VGLL3: variants seen among roughly 807,000 people sequenced by gnomAD.
The protein encoded by VGLL3 is vestigial like family member 3.
A neutral mutation model predicts 29.2 loss-of-function variants in VGLL3; 18 were observed. The ratio of observed to expected loss-of-function variants is 0.62; its 90% CI spans 0.43 to 0.91. VGLL3 has a LOEUF of 0.91. VGLL3 is among the 40% of genes least tolerant of loss of function. The pLI, the probability that VGLL3 is intolerant of heterozygous loss-of-function variation, is 0.00. For synonymous variants in VGLL3, 180 were observed against 151.8 expected (o/e 1.19, Z -1.36); for missense variants, 440 against 413.2 (o/e 1.06, Z -0.56).
At chr3:86,957,396 G>A (rs1035398878) in intron 3 of VGLL3, among the ~76,000 whole-genome samples, 1 of 152,194 alleles carries the variant, frequency 6.6e-6, no homozygotes, top group Non-Finnish European at 1.5e-5. Flanking sequence ...TCTTCAGGAT[G>A]CCTCAAACCT....
chr3:86,988,044 AAGG>A (rs1030432654), intron 1 of VGLL3, among the ~76,000 whole-genome samples: 43 of 152,302 alleles, frequency 2.8e-4, no homozygotes, highest in African/African-American at 1.0e-3. Context: ...AATCCATCAT[AAGG>A]AATCATTTTG....
Position 86,964,314 on chromosome 3 carries a change from T to C in VGLL3, c.937+4276A>G, listed in dbSNP as rs187394068. Among the ~76,000 whole-genome samples, 416 of 152,338 alleles carry C rather than the reference T, an allele frequency of 2.7e-3. 2 individuals carry two copies. Among genetic ancestry groups the C allele is most frequent in the African/African-American group, 9.5e-3 (397 of 41,576 alleles). On this transcript the variant is annotated intron_variant, in intron 3 of 3. Coordinates refer to ENST00000398399, the MANE Select transcript of VGLL3 (RefSeq NM_016206.4). ...AAAGCATAAAATATTTTTATCTGTT[T>C]CTTTACAGAAAAATTTTGCTAACCC...
intron 3 of VGLL3, among the ~76,000 whole-genome samples, chr3:86,966,786 T>TGTATATATATAC: frequency 1.2e-5 from 1 of 85,552 alleles, no homozygotes; most frequent in Non-Finnish European, 2.4e-5. Flanking sequence ...TATATATATA[T>TGTATATATATAC]ATATATATAT....
intron 3 of VGLL3, among the ~76,000 whole-genome samples, chr3:86,947,274 A>G (rs1156731914): frequency 6.6e-6 from 1 of 152,232 alleles, no homozygotes; most frequent in Non-Finnish European, 1.5e-5. Context: ...GTATGTGACA[A>G]AAACACAAGA....
In VGLL3 at chr3:86,941,295, C is replaced by G. The variant is rs1400784665; in HGVS notation, c.*5729G>C. The G allele has an allele frequency of 6.6e-6, 1 of 152,240 alleles. No individual in the cohort carries two copies. The highest frequency in any genetic ancestry group is 1.5e-5 in the Non-Finnish European group (1 of 67,886). 9.4% of individuals were successfully genotyped at this position (152,240 alleles called of 1,614,324 possible). A position where few individuals can be genotyped will look rare whatever the true frequency, so the allele number is the denominator to read the frequency against. On this transcript the variant is annotated 3_prime_UTR_variant, in exon 4 of 4. Transcript: ENST00000398399. The stretch of plus-strand genomic sequence containing the variant: ...TAAATAATCATTATTAACTTTTGCT[C>G]TAGCCACGGCATAGAAAGAAATGTA...
chr3:86,989,624 A>G (rs546664187), intron 1 of VGLL3, among the ~76,000 whole-genome samples: 49 of 152,308 alleles, frequency 3.2e-4, no homozygotes, highest in Non-Finnish European at 6.8e-4. Context: ...ATAAATCAAT[A>G]TATTCTATGG....
chr3:86,977,331 T>A (rs914642636), intron 2 of VGLL3, among the ~76,000 whole-genome samples: 2 of 151,966 alleles, frequency 1.3e-5, no homozygotes, highest in Non-Finnish European at 2.9e-5. Flanking sequence ...GCCCAGCAAT[T>A]CCATGTGGCC....
chr3:86,939,215 T>C lies in VGLL3; in HGVS notation c.*7809A>G, dbSNP rs999856418. On this transcript the variant is annotated 3_prime_UTR_variant, in exon 4 of 4. Transcript: ENST00000398399. ...TAGTCCTTCTCGATTACAAGAGTGA[T>C]AGAAAATGATGGAAGTCCAATACTA... 1.3e-5 allele frequency: 2 copies of C among 152,198 alleles called. No homozygotes were observed. The highest frequency in any genetic ancestry group is 1.9e-4 in the East Asian group (1 of 5,192). The allele number at this position is 152,198 out of a possible 1,614,324, so 9.4% of individuals were successfully genotyped here.
At chr3:86,990,465 T>G in intron 1 of VGLL3, 153 bp downstream of exon 1, 3 of 976,028 alleles carry the variant, frequency 3.1e-6, no homozygotes, top group Non-Finnish European at 3.7e-6. Context: ...CCTTCCCGGC[T>G]CTCTCGGGAT....
rs1211925395 is a variant in VGLL3, at chr3:86,943,564, C to A, written c.*3460G>T. ...AATAAATCCCTCAATTATTTGCAAT[C>A]CACTCCTCATTTTGCAAATTTTAGA... is the stretch of plus-strand genomic sequence containing the variant. On this transcript the variant is annotated 3_prime_UTR_variant, in exon 4 of 4. Coordinates refer to ENST00000398399, the MANE Select transcript of VGLL3 (RefSeq NM_016206.4). 6.6e-6 allele frequency: 1 copy of A among 151,814 alleles called. No individual in the cohort carries two copies. The highest frequency in any genetic ancestry group is 1.9e-4 in the East Asian group (1 of 5,176). 9.4% of individuals were successfully genotyped at this position (151,814 alleles called of 1,614,324 possible). A position where few individuals can be genotyped will look rare whatever the true frequency, so the allele number is the denominator to read the frequency against.
chr3:86,988,182 T>A (rs545281729), intron 1 of VGLL3, among the ~76,000 whole-genome samples: 3 of 152,304 alleles, frequency 2.0e-5, no homozygotes, highest in East Asian at 1.9e-4. Flanking sequence ...TAGCATTTTT[T>A]AAATGGCTAT....
chr3:86,986,571 T>C (rs1055933652), intron 1 of VGLL3, among the ~76,000 whole-genome samples: 1 of 152,152 alleles, frequency 6.6e-6, no homozygotes, highest in Admixed American at 6.5e-5. Context: ...AGAAGTCCTG[T>C]ATAAATTTTT....
At chr3:86,988,710 G>GCC (rs1337729058) in intron 1 of VGLL3, among the ~76,000 whole-genome samples, 9,504 of 44,196 alleles carry the variant, frequency 0.22, 1,583 homozygotes, top group African/African-American at 0.42. Context: ...AGAAGAAAAA[G>GCC]AAGAAAAAGC....
At chr3:86,974,347 G>A (rs896928198) in intron 2 of VGLL3, among the ~76,000 whole-genome samples, 5 of 152,018 alleles carry the variant, frequency 3.3e-5, no homozygotes, top group African/African-American at 1.2e-4. Context: ...TCGAACTCCT[G>A]ACCTCAGGTG....
Position 86,988,203 on chromosome 3 carries a change from T to G in VGLL3, c.126+2415A>C, listed in dbSNP as rs915807403. 1.8e-4 allele frequency among the ~76,000 whole-genome samples: 27 copies of G among 152,290 alleles called. No homozygotes were observed. The South Asian group carries it at 2.7e-3, about 15-fold the overall frequency. Reference sequence around the variant, plus strand: ...TTTTTAAATGGCTATTAAAATTTCTTGATTGCTGTTACTTTTCTTCGCTCC... The same window carrying G: ...TTTTTAAATGGCTATTAAAATTTCTGGATTGCTGTTACTTTTCTTCGCTCC... On this transcript the variant is annotated intron_variant, in intron 1 of 3. Coordinates refer to ENST00000398399, the MANE Select transcript of VGLL3 (RefSeq NM_016206.4).
chr3:86,938,575 T>C lies in VGLL3; in HGVS notation c.*8449A>G, dbSNP rs1410109747. On this transcript the variant is annotated 3_prime_UTR_variant, in exon 4 of 4. Transcript: ENST00000398399. ...TGCAAAGCAAAGATCAATGCTGATG[T>C]TCTTCATTCAGTCACAGCCAAACTT... is the stretch of plus-strand genomic sequence containing the variant. 6.6e-6 allele frequency: 1 copy of C among 152,666 alleles called. No homozygotes were observed. The highest frequency in any genetic ancestry group is 1.9e-4 in the East Asian group (1 of 5,184). 9.5% of individuals were successfully genotyped at this position (152,666 alleles called of 1,614,324 possible).
rs1486706170 is a variant in VGLL3 at position 86,942,246 on chromosome 3, T to C, written c.*4778A>G. The C allele has an allele frequency of 6.6e-6, 1 of 152,152 alleles. No individual in the cohort carries two copies. Among genetic ancestry groups the C allele is most frequent in the Non-Finnish European group, 1.5e-5 (1 of 68,028 alleles). 9.4% of individuals were successfully genotyped at this position (152,152 alleles called of 1,614,324 possible). A position where few individuals can be genotyped will look rare whatever the true frequency, so the allele number is the denominator to read the frequency against. ...TGATTTCATTTCTGATCCCATACAG[T>C]TTCTGCTGTCTTTCCCTTGGCTGCA... On this transcript the variant is annotated 3_prime_UTR_variant, in exon 4 of 4. Transcript: ENST00000398399.
chr3:86,947,946 A>G (rs1463260211), intron 3 of VGLL3, among the ~76,000 whole-genome samples: 2 of 151,636 alleles, frequency 1.3e-5, no homozygotes, highest in Non-Finnish European at 2.9e-5. Flanking sequence ...AGTTACTTTT[A>G]TTTTGTTTTT....
intron 1 of VGLL3, among the ~76,000 whole-genome samples, chr3:86,982,584 A>C (rs1182900689): frequency 6.6e-6 from 1 of 152,198 alleles, no homozygotes; most frequent in Non-Finnish European, 1.5e-5. Context: ...AAAATTCAAA[A>C]CATCGAGACT....
Sources: gnomAD v4.1 joint callset for allele counts (sites outside exome capture counted in the v4.1 genomes callset) on GRCh38, gnomAD v4.1.1 for gene constraint, MANE v1.5 for transcripts, NCBI Gene and HGNC (gene_info 2026-07-23, HGNC 2026-07-21) for gene names.